The following TENM1 variants were observed in gnomAD, a reference collection of about 807,000 sequenced individuals.
TENM1 encodes the protein teneurin transmembrane protein 1, also known as teneurin-1.
Under a neutral mutation model 174.8 loss-of-function variants are expected in TENM1, and 35 were observed. The ratio of observed to expected loss-of-function variants is 0.20; its 90% confidence interval spans 0.15 to 0.27. The LOEUF is 0.27. Ranked by LOEUF, TENM1 falls within the 10% of genes least tolerant of loss-of-function variation. The pLI is 1.00. For synonymous variants in TENM1, 781 were observed against 798.7 expected (o/e 0.98, Z 0.37); for missense variants, 1,633 against 2,130.1 (o/e 0.77, Z 4.59).
rs150491013 is a variant in TENM1, at chrX:124,925,378, C to T, written c.218-29137G>A. 9.1e-3 allele frequency among the ~76,000 whole-genome samples: 1,007 copies of T among 111,096 alleles called. 6 individuals carry two copies. The highest frequency in any genetic ancestry group is 0.031 in the African/African-American group (965 of 30,637). On this transcript the variant is annotated intron_variant, in intron 1 of 31. Transcript: ENST00000422452. ...ACTAAAACATGGACTTCTAAACTGGCTTGCATGATTCCACATTGGCAGAAT... is the reference window on the plus strand; with the variant it reads ...ACTAAAACATGGACTTCTAAACTGGTTTGCATGATTCCACATTGGCAGAAT...
At chrX:124,541,509 C>A (rs763788572) in intron 15 of TENM1, among the ~76,000 whole-genome samples, 2 of 112,086 alleles carry the variant, frequency 1.8e-5, no homozygotes, top group Admixed American at 1.9e-4. Flanking sequence ...GAAAGCTTCC[C>A]GAGGCATCAC....
At chrX:125,048,243 A>ATT in the TENM1 span, among the ~76,000 whole-genome samples, 1,042 of 64,082 alleles carry the variant, frequency 0.016, 5 homozygotes, top group Non-Finnish European at 0.02. Flanking sequence ...GTTTCGAAGC[A>ATT]TTTTTTTTTT....
intron 3 of TENM1, among the ~76,000 whole-genome samples, chrX:124,833,823 A>C (rs1162638168): frequency 9.0e-6 from 1 of 110,762 alleles, no homozygotes; most frequent in Non-Finnish European, 1.9e-5. Context: ...AGTGGTCACC[A>C]ATCTCGTATA....
chrX:124,854,879 CT>C (rs2147412806), intron 3 of TENM1, among the ~76,000 whole-genome samples: 1 of 111,845 alleles, frequency 8.9e-6, no homozygotes, highest in Non-Finnish European at 1.9e-5. Flanking sequence ...ATGAGTTCAA[CT>C]GTACTGCATT....
exon 25 of TENM1, chrX:124,420,433 G>A: frequency 8.3e-7 from 1 of 1,212,060 alleles, no homozygotes; most frequent in Non-Finnish European, 1.1e-6. Context: ...CTCCATTGCT[G>A]CTTATAGTCA....
At chrX:124,603,337 G>T (rs190712141) in intron 11 of TENM1, among the ~76,000 whole-genome samples, 5 of 111,882 alleles carry the variant, frequency 4.5e-5, no homozygotes, top group Admixed American at 3.8e-4. Context: ...AAACATGCAG[G>T]CCTGTTGGCA....
chrX:125,075,972 G>A, the TENM1 span, among the ~76,000 whole-genome samples: 4 of 111,289 alleles, frequency 3.6e-5, no homozygotes, highest in African/African-American at 1.3e-4. Context: ...TAAACCATAA[G>A]CTACTGAAGA....
At chrX:124,691,126 A>G (rs1043970209) in intron 5 of TENM1, among the ~76,000 whole-genome samples, 11 of 111,359 alleles carry the variant, frequency 9.9e-5, no homozygotes, top group African/African-American at 3.3e-4. Flanking sequence ...TGCTTATCCT[A>G]TAAGATGCAC....
intron 18 of TENM1, among the ~76,000 whole-genome samples, chrX:124,515,091 A>T (rs2047671774): frequency 8.9e-6 from 1 of 112,012 alleles, no homozygotes; most frequent in Admixed American, 9.4e-5. Flanking sequence ...GGAACTAAAG[A>T]AAAAAACCAC....
In TENM1 at chrX:124,649,383, C is replaced by T. The variant is rs73558392; in HGVS notation, c.1579+2531G>A. ...AAAGGGTATGGAATTTGGAATCAGA[C>T]ATACTGGTTCTCAAATTTCAATTTT... On this transcript the variant is annotated intron_variant, in intron 8 of 31. Transcript: ENST00000422452. Among the ~76,000 whole-genome samples the T allele has an allele frequency of 8.4e-3, 943 of 112,497 alleles. 8 individuals are homozygous for T. Among genetic ancestry groups the T allele is most frequent in the African/African-American group, 0.029 (910 of 31,035 alleles).
At chrX:124,588,043 G>A (rs1408920739) in intron 11 of TENM1, among the ~76,000 whole-genome samples, 4 of 111,868 alleles carry the variant, frequency 3.6e-5, no homozygotes, top group African/African-American at 6.5e-5. Flanking sequence ...GGAAACAACC[G>A]GTGTTGGAGA....
rs185254463 is a variant in TENM1 at position 124,820,918 on chromosome X, C to T, written c.535+73378G>A. Among the ~76,000 whole-genome samples, 10 of 112,412 alleles carry T rather than the reference C, an allele frequency of 8.9e-5. No homozygotes were observed. In the East Asian group the frequency reaches 2.8e-3, roughly 32 times the overall value. ...TCCCCTTTTGTTAAGTACATGTTGTCTTCTATTAGATGAAGGCAAAGGTTA... is the reference window on the plus strand; with the variant it reads ...TCCCCTTTTGTTAAGTACATGTTGTTTTCTATTAGATGAAGGCAAAGGTTA... On this transcript the variant is annotated intron_variant, in intron 3 of 31. Transcript: ENST00000422452.
chrX:125,159,900 G>C, the TENM1 span, among the ~76,000 whole-genome samples: 1 of 111,773 alleles, frequency 8.9e-6, no homozygotes, highest in Non-Finnish European at 1.9e-5. Context: ...AAACAGTTCA[G>C]TCAAAAAAGA....
At chrX:125,041,674 T>C in the TENM1 span, among the ~76,000 whole-genome samples, 1 of 112,176 alleles carries the variant, frequency 8.9e-6, no homozygotes, top group Non-Finnish European at 1.9e-5. Flanking sequence ...AATGTGAGTG[T>C]ACTTGCTTTG....
chrX:124,568,011 T>C (rs2048978190), intron 11 of TENM1, among the ~76,000 whole-genome samples: 1 of 112,193 alleles, frequency 8.9e-6, no homozygotes, highest in African/African-American at 3.2e-5. Flanking sequence ...TGAAAAGTAA[T>C]AGGACTAGAT....
chrX:124,619,070 G>A (rs184851367), intron 11 of TENM1, among the ~76,000 whole-genome samples: 2 of 111,522 alleles, frequency 1.8e-5, no homozygotes, highest in East Asian at 5.6e-4. Context: ...GTGACAGAGT[G>A]AGACCCTGTC....
At chrX:124,478,435 G>A (rs764408094) in intron 22 of TENM1, among the ~76,000 whole-genome samples, 1 of 99,772 alleles carries the variant, frequency 1.0e-5, no homozygotes, top group African/African-American at 5.2e-5. Flanking sequence ...TAACTCCATT[G>A]GATAATTTAC....
At chrX:124,960,143 G>A (rs772441569) in intron 1 of TENM1, among the ~76,000 whole-genome samples, 6 of 111,962 alleles carry the variant, frequency 5.4e-5, no homozygotes, top group Non-Finnish European at 7.5e-5. Flanking sequence ...GGGCATGCGC[G>A]ACTTCACAAT....
intron 3 of TENM1, among the ~76,000 whole-genome samples, chrX:124,824,907 G>A (rs1361139003): frequency 9.0e-6 from 1 of 111,020 alleles, no homozygotes; most frequent in Non-Finnish European, 1.9e-5. Flanking sequence ...TGGCCAACTT[G>A]AGGATTTCCA....
Sources: allele counts gnomAD v4.1 joint callset (sites outside exome capture counted in the v4.1 genomes callset), GRCh38; gene constraint gnomAD v4.1.1; transcripts MANE v1.5; gene names NCBI Gene and HGNC (gene_info 2026-07-23, HGNC 2026-07-21).